Variants in FBN1 observed in about 807,000 individuals in gnomAD.
FBN1 encodes fibrillin 1.
Under a neutral mutation model 365.1 loss-of-function variants are expected in FBN1, and 29 were observed. The ratio of observed to expected loss-of-function variants is 0.08; its 90% CI spans 0.06 to 0.11. The LOEUF (loss-of-function observed/expected upper bound fraction) is 0.11. Ranked by LOEUF, FBN1 falls within the 10% of genes least tolerant of loss-of-function variation. The probability of loss-of-function intolerance (pLI) is 1.00; values close to 1 mark genes in which losing one functional copy is unlikely to be tolerated. For missense variants in FBN1, 2,476 were observed against 3,703.2 expected (o/e 0.67, Z 8.60); for synonymous variants, 1,210 against 1,270.5 (o/e 0.95, Z 1.01).
chr15:48,550,795 C>T (rs140585596), intron 6 of FBN1, among the ~76,000 whole-genome samples: 4 of 152,262 alleles, frequency 2.6e-5, no homozygotes, highest in East Asian at 1.9e-4. Context: ...TGACGACTTA[C>T]TCCTTCCCTC....
intron 2 of FBN1, among the ~76,000 whole-genome samples, chr15:48,638,999 G>C (rs554643476): frequency 6.6e-6 from 1 of 152,286 alleles, no homozygotes; most frequent in African/African-American, 2.4e-5. Context: ...GATTCTTTCT[G>C]TTTTATTAAT....
At chr15:48,485,024 A>G (rs1304013263) in intron 30 of FBN1, among the ~76,000 whole-genome samples, 1 of 152,206 alleles carries the variant, frequency 6.6e-6, no homozygotes, top group Non-Finnish European at 1.5e-5. Flanking sequence ...ACAAGTTCTC[A>G]GGTGATGCTG....
rs376084438 is a variant in FBN1, at chr15:48,551,285, A to G, written c.539-13477T>C. Among the ~76,000 whole-genome samples the G allele has an allele frequency of 2.6e-5, 4 of 152,208 alleles. No individual in the cohort carries two copies. The East Asian group carries it at 7.7e-4, about 29-fold the overall frequency. On this transcript the variant is annotated intron_variant, in intron 6 of 65. Transcript: ENST00000316623. ...CCCACACATACCATGGGTACACATA[A>G]CCAATACATCCCGCTATTCTTAGAA...
intron 31 of FBN1, 133 bp downstream of exon 31, chr15:48,483,685 T>C (rs1294456860): frequency 3.1e-6 from 3 of 974,484 alleles, no homozygotes; most frequent in Non-Finnish European, 4.7e-6. Flanking sequence ...GGTTAAAATA[T>C]GAGTATTGTG....
At chr15:48,527,935 C>T (rs991701533) in intron 8 of FBN1, among the ~76,000 whole-genome samples, 1 of 152,174 alleles carries the variant, frequency 6.6e-6, no homozygotes, top group East Asian at 1.9e-4. Context: ...GGGTTACCCA[C>T]GTAATATCTC....
chr15:48,557,631 T>C (rs1341870091), intron 6 of FBN1, among the ~76,000 whole-genome samples: 1 of 152,074 alleles, frequency 6.6e-6, no homozygotes, highest in Non-Finnish European at 1.5e-5. Context: ...TCATGCCAAG[T>C]ATTCATTGAG....
At chr15:48,605,036 A>G (rs2044595798) in intron 4 of FBN1, among the ~76,000 whole-genome samples, 1 of 152,216 alleles carries the variant, frequency 6.6e-6, no homozygotes, top group Non-Finnish European at 1.5e-5. Flanking sequence ...AGTAAATTAA[A>G]TGAGAAAATG....
At chr15:48,532,506 A>ATGTGTGTG (rs528870539) in intron 8 of FBN1, among the ~76,000 whole-genome samples, 8 of 149,618 alleles carry the variant, frequency 5.3e-5, no homozygotes, top group Admixed American at 1.3e-4. Flanking sequence ...ATATATGTGT[A>ATGTGTGTG]TGTGTGTGTG....
chr15:48,506,806 G>C (rs993823417), intron 15 of FBN1, among the ~76,000 whole-genome samples: 3 of 152,132 alleles, frequency 2.0e-5, no homozygotes, highest in African/African-American at 7.2e-5. Flanking sequence ...AAGAAATCCA[G>C]TATACATGGG....
At position 48,445,281 on chromosome 15, in the gene FBN1, G is replaced by C. The variant is rs1043219727; in HGVS notation, c.5917+95C>G. ...TAATTCTACTCTGACTTTTCCTCCA[G>C]GTTTCCAGAAAGAAGCATTAGAACA... On this transcript the variant is annotated intron_variant, in intron 48 of 65. Transcript: ENST00000316623. The C allele has an allele frequency of 9.3e-6, 13 of 1,402,078 alleles. No homozygotes were observed. The Admixed American group carries it at 1.5e-4, about 16-fold the overall frequency. 86.9% of individuals were successfully genotyped at this position (1,402,078 alleles called of 1,614,324 possible).
intron 53 of FBN1, among the ~76,000 whole-genome samples, chr15:48,434,914 A>G (rs896600308): frequency 1.2e-4 from 18 of 152,308 alleles, no homozygotes; most frequent in South Asian, 2.1e-4. Context: ...CTCATGCCTC[A>G]GCCTCCTGAG....
At chr15:48,569,495 T>G (rs1214191531) in intron 6 of FBN1, among the ~76,000 whole-genome samples, 1 of 152,068 alleles carries the variant, frequency 6.6e-6, no homozygotes, top group Non-Finnish European at 1.5e-5. Context: ...GAAATACATA[T>G]GGTCAGACAA....
intron 63 of FBN1, among the ~76,000 whole-genome samples, chr15:48,418,218 C>T (rs2042916046): frequency 6.6e-6 from 1 of 152,026 alleles, no homozygotes; most frequent in Admixed American, 6.5e-5. Flanking sequence ...GGTATTTAAG[C>T]CAAACTGGGA....
At chr15:48,414,114 T>C (rs1387951123) in intron 64 of FBN1, among the ~76,000 whole-genome samples, 1 of 152,176 alleles carries the variant, frequency 6.6e-6, no homozygotes. Context: ...GCACCACTTA[T>C]AAGAAGTGTG....
rs375205395 is a variant in FBN1 at position 48,412,760 on chromosome 15, G to A, written c.8052-17C>T. The A allele has an allele frequency of 3.7e-6, 6 of 1,613,786 alleles. No homozygotes were observed. The highest frequency in any genetic ancestry group is 2.2e-5 in the South Asian group (2 of 91,084). ...ACACAGTGCCTGCAGCAGAAGGGGA[G>A]CATAGATGTTTTTCATTAGAATGGG... is the stretch of plus-strand genomic sequence containing the variant. On this transcript the variant is annotated splice_polypyrimidine_tract_variant and intron_variant, in intron 64 of 65. Transcript: ENST00000316623.
chr15:48,445,139 CACACACATATATATATACATATATATAT>C (rs1479231504), intron 48 of FBN1, among the ~76,000 whole-genome samples: 7 of 139,324 alleles, frequency 5.0e-5, no homozygotes, highest in African/African-American at 1.8e-4. Flanking sequence ...TATATATACA[CACACACATATATATATACATATATATAT>C]ACACACATAT....
At chr15:48,440,318 T>G (rs1349577596) in intron 50 of FBN1, among the ~76,000 whole-genome samples, 1 of 152,212 alleles carries the variant, frequency 6.6e-6, no homozygotes, top group Non-Finnish European at 1.5e-5. Context: ...GGCTGATTCT[T>G]CCTGCAGCGT....
At chr15:48,460,150 A>AT (rs918902510) in intron 43 of FBN1, 96 bp downstream of exon 43, 37 of 868,252 alleles carry the variant, frequency 4.3e-5, no homozygotes, top group South Asian at 2.2e-4. Context: ...ATTGTTTAAT[A>AT]TTTTTTTTCC....
chr15:48,504,142 A>C (rs536424205), intron 16 of FBN1, among the ~76,000 whole-genome samples: 1 of 152,244 alleles, frequency 6.6e-6, no homozygotes, highest in Non-Finnish European at 1.5e-5. Context: ...ACTGGAAACC[A>C]ATGGCCAGAT....
Sources: allele counts gnomAD v4.1 joint callset (sites outside exome capture counted in the v4.1 genomes callset), GRCh38; gene constraint gnomAD v4.1.1; transcripts MANE v1.5; gene names NCBI Gene and HGNC (gene_info 2026-07-23, HGNC 2026-07-21).